JAK2: variants seen among roughly 807,000 people sequenced by gnomAD.
JAK2 encodes the protein Janus kinase 2.
Under a neutral mutation model 139.3 loss-of-function variants are expected in JAK2, and 86 were observed. The ratio of observed to expected loss-of-function variants is 0.62; its 90% CI spans 0.52 to 0.74. JAK2 has a LOEUF of 0.74. Ranked by LOEUF, JAK2 falls within the 30% of genes least tolerant of loss-of-function variation. The pLI is 0.00. For synonymous variants in JAK2, 490 were observed against 437.7 expected (o/e 1.12, Z -1.49); for missense variants, 1,421 against 1,360.3 (o/e 1.04, Z -0.70).
intron 14 of JAK2, among the ~76,000 whole-genome samples, chr9:5,074,291 C>G (rs968933769): frequency 7.9e-5 from 12 of 152,028 alleles, no homozygotes; most frequent in Non-Finnish European, 1.3e-4. Flanking sequence ...TACAGGCATG[C>G]CTCATTTTAT....
At chr9:4,996,077 G>C (rs1820542928) in intron 2 of JAK2, among the ~76,000 whole-genome samples, 1 of 152,206 alleles carries the variant, frequency 6.6e-6, no homozygotes, top group Non-Finnish European at 1.5e-5. Flanking sequence ...TTAAGGATAA[G>C]TTCATTTAAC....
intron 2 of JAK2, among the ~76,000 whole-genome samples, chr9:4,993,879 A>C (rs1464552193): frequency 6.6e-6 from 1 of 152,184 alleles, no homozygotes; most frequent in Admixed American, 6.5e-5. Context: ...CGGGTGCTCC[A>C]ATTTCCTCCC....
intron 4 of JAK2, among the ~76,000 whole-genome samples, chr9:5,030,432 T>A (rs930538816): frequency 1.3e-5 from 2 of 152,196 alleles, no homozygotes; most frequent in African/African-American, 4.8e-5. Context: ...GAAACAAAGA[T>A]ACGTTTGATT....
intron 5 of JAK2, among the ~76,000 whole-genome samples, chr9:5,047,425 G>T (rs1817086257): frequency 6.6e-6 from 1 of 152,158 alleles, no homozygotes; most frequent in Non-Finnish European, 1.5e-5. Flanking sequence ...GGAATTAATT[G>T]CCTTTATATC....
intron 2 of JAK2, among the ~76,000 whole-genome samples, chr9:4,999,796 C>T (rs1820820620): frequency 6.6e-6 from 1 of 152,216 alleles, no homozygotes. Flanking sequence ...TAAGTTGCCA[C>T]AATTTATCAG....
At chr9:5,098,957 G>C (rs572536978) in intron 22 of JAK2, 1 of 152,102 alleles carries the variant, frequency 6.6e-6, no homozygotes, top group Non-Finnish European at 1.5e-5. Context: ...GCCTCCCAAA[G>C]TGCTGGGATT....
intron 3 of JAK2, among the ~76,000 whole-genome samples, chr9:5,027,512 G>A (rs985922026): frequency 2.6e-5 from 4 of 152,192 alleles, no homozygotes; most frequent in African/African-American, 9.6e-5. Context: ...GGCTGCTGAA[G>A]GTTGGGTGGC....
At chr9:5,033,994 C>G (rs1428450076) in intron 4 of JAK2, among the ~76,000 whole-genome samples, 1 of 152,078 alleles carries the variant, frequency 6.6e-6, no homozygotes, top group African/African-American at 2.4e-5. Flanking sequence ...TTCAGGAAAC[C>G]CATCTCACGT....
Position 5,113,970 on chromosome 9 carries a change from A to C in JAK2, c.3060-9034A>C, listed in dbSNP as rs145122000. 6.0e-3 allele frequency: 1,640 copies of C among 273,314 alleles called. 23 individuals are homozygous for C. The highest frequency in any genetic ancestry group is 0.035 in the African/African-American group (1,559 of 44,678). The allele number at this position is 273,314 out of a possible 1,614,324, so 16.9% of individuals were successfully genotyped here. Reference sequence around the variant, plus strand: ...TCATCTCTGGGTACACCCAGGTGCCATCAGCATCACCTGGCTGGAGGATGG... The same window carrying C: ...TCATCTCTGGGTACACCCAGGTGCCCTCAGCATCACCTGGCTGGAGGATGG... On this transcript the variant is annotated intron_variant, in intron 22 of 24. Coordinates refer to ENST00000381652, the MANE Select transcript of JAK2 (RefSeq NM_004972.4).
chr9:5,106,899 G>C (rs773624544), intron 22 of JAK2, among the ~76,000 whole-genome samples: 64 of 152,070 alleles, frequency 4.2e-4, no homozygotes, highest in African/African-American at 1.5e-3. Flanking sequence ...GGGCCCGGGG[G>C]AGGGATAGCA....
intron 22 of JAK2, chr9:5,098,469 G>A (rs992528785): frequency 1.3e-5 from 2 of 151,958 alleles, no homozygotes; most frequent in East Asian, 1.9e-4. Flanking sequence ...CATTATTTCC[G>A]TAATACTCAC....
In JAK2 at chr9:5,072,521, A is replaced by G; in HGVS notation, c.1671A>G (p.Thr557=). 6.3e-7 allele frequency: 1 copy of G among 1,596,826 alleles called. No homozygotes were observed. Among genetic ancestry groups the G allele is most frequent in the Non-Finnish European group, 8.5e-7 (1 of 1,170,494 alleles). ...FNESLGQGTF[T]KIFKGVRREV... is the part of the protein sequence containing the mutation. The stretch of plus-strand genomic sequence containing the variant: ...AAAGCCTTGGCCAAGGCACTTTTAC[A>G]AAGATTTTTAAAGGCGTACGAAGAG... The change falls in exon 13 of 25, where the codon ACA becomes ACG. Residue 557 remains threonine (T), a synonymous_variant. Transcript: ENST00000381652.
intron 22 of JAK2, chr9:5,109,292 C>G (rs1200648780): frequency 6.6e-6 from 1 of 152,142 alleles, no homozygotes; most frequent in Non-Finnish European, 1.5e-5. Context: ...GCTTTACATG[C>G]TGTAGCTATA....
Position 5,054,900 on chromosome 9 carries a change from A to G in JAK2, c.936+16A>G. 6.6e-7 allele frequency: 1 copy of G among 1,520,284 alleles called. No homozygotes were observed. Among genetic ancestry groups the G allele is most frequent in the Non-Finnish European group, 8.9e-7 (1 of 1,117,956 alleles). The allele number at this position is 1,520,284 out of a possible 1,614,324, so 94.2% of individuals were successfully genotyped here. A position where few individuals can be genotyped will look rare whatever the true frequency, so the allele number is the denominator to read the frequency against. ...GACAGAACAGGTAATCCTTAATGAT[A>G]TGTTCTTGTTCTTTGTTATTTTAAG... On this transcript the variant is annotated intron_variant, in intron 7 of 24. Coordinates refer to ENST00000381652, the MANE Select transcript of JAK2 (RefSeq NM_004972.4). This position sits in a 1 kb window ranked among gnomAD's most constrained non-coding sequence, Gnocchi z 4.9.
At chr9:5,034,332 C>G (rs543722867) in intron 4 of JAK2, among the ~76,000 whole-genome samples, 31 of 152,252 alleles carry the variant, frequency 2.0e-4, no homozygotes, top group African/African-American at 5.5e-4. Context: ...GACAGATCAA[C>G]AAGACAGAAA....
In JAK2 at chr9:5,054,826, A is replaced by G; in HGVS notation, c.878A>G (p.Asn293Ser). Residue 293 changes from asparagine (N) to serine (S), a missense_variant, in exon 7 of 25, where the codon AAC (asparagine) becomes AGC (serine). Physicochemically the swap from Asn to Ser is conservative, Grantham distance 46 (BLOSUM62 1). Coordinates refer to ENST00000381652, the MANE Select transcript of JAK2 (RefSeq NM_004972.4). The surrounding 1 kb of genome is among the most constrained non-coding windows in gnomAD (Gnocchi z 4.9). ...TTTGCAACCATTATAATAACTGGAA[A>G]CGGTGGAATTCAGTGGTCAAGAGGG... is the stretch of plus-strand genomic sequence containing the variant. ...EIFATIIITGNGGIQWSRGKH... is the reference protein window; with the variant it reads ...EIFATIIITGSGGIQWSRGKH... The G allele has an allele frequency of 1.2e-6, 2 of 1,612,492 alleles. No individual in the cohort carries two copies. Among genetic ancestry groups the G allele is most frequent in the Non-Finnish European group, 1.7e-6 (2 of 1,179,176 alleles).
chr9:5,090,807 G>C lies in JAK2; in HGVS notation c.2955G>C (p.Glu985Asp). Residue 985 changes from glutamate (E) to aspartate (D), a missense_variant, in exon 22 of 25, where the codon GAG becomes GAC. Physicochemically the swap from Glu to Asp is conservative, Grantham distance 45 (BLOSUM62 2). Transcript: ENST00000381652. ...TGGCAACGAGAAATATATTGGTGGA[G>C]AACGAGAACAGAGTTAAAATTGGAG... ...RDLATRNILV[E>D]NENRVKIGDF... 6.2e-6 allele frequency: 10 copies of C among 1,613,550 alleles called. No homozygotes were observed. The highest frequency in any genetic ancestry group is 8.5e-6 in the Non-Finnish European group (10 of 1,179,652).
intron 5 of JAK2, among the ~76,000 whole-genome samples, chr9:5,047,771 G>A (rs1817118059): frequency 6.6e-6 from 1 of 151,832 alleles, no homozygotes; most frequent in Non-Finnish European, 1.5e-5. Flanking sequence ...AATTTTTTTA[G>A]TTTTGGTTTT....
intron 2 of JAK2, among the ~76,000 whole-genome samples, chr9:4,999,739 G>A (rs540063214): frequency 2.0e-5 from 3 of 152,256 alleles, no homozygotes; most frequent in South Asian, 2.1e-4. Context: ...GTGAGCCCCC[G>A]TGCCTGGTGT....
Sources: gnomAD v4.1 joint callset for allele counts (sites outside exome capture counted in the v4.1 genomes callset) on GRCh38, gnomAD v4.1.1 for gene constraint, Gnocchi (gnomAD v3.1) non-coding constraint, MANE v1.5 for transcripts, NCBI Gene and HGNC (gene_info 2026-07-23, HGNC 2026-07-21) for gene names.